PCDHA3: variants seen among roughly 807,000 people sequenced by gnomAD.
PCDHA3 encodes protocadherin alpha 3, also known as protocadherin alpha-3.
A neutral mutation model predicts 62.2 loss-of-function variants in PCDHA3; 41 were observed. That is an observed-to-expected ratio of 0.66 (90% CI 0.51 to 0.86). PCDHA3 has a LOEUF of 0.86. PCDHA3 is among the 40% of genes least tolerant of loss of function. PCDHA3 has a pLI of 0.00. For synonymous variants in PCDHA3, 640 were observed against 555.4 expected, an observed-to-expected ratio of 1.15 and a Z score of -2.14; for missense variants, 1,304 against 1,241.2, an observed-to-expected ratio of 1.05 and a Z score of -0.76.
At chr5:140,809,567 G>A in intron 1 of PCDHA3, 1 of 1,605,950 alleles carries the variant, frequency 6.2e-7, no homozygotes, top group Non-Finnish European at 8.5e-7. Flanking sequence ...GGAATCCTTT[G>A]CAAAGGTTAG....
intron 1 of PCDHA3, among the ~76,000 whole-genome samples, chr5:140,818,941 A>T (rs1470762019): frequency 6.6e-6 from 1 of 152,234 alleles, no homozygotes; most frequent in Non-Finnish European, 1.5e-5. Context: ...TTTGACATGA[A>T]CATTGATATT....
intron 1 of PCDHA3, among the ~76,000 whole-genome samples, chr5:140,872,922 T>C (rs1468048382): frequency 6.6e-6 from 1 of 152,218 alleles, no homozygotes; most frequent in African/African-American, 2.4e-5. Flanking sequence ...ATGCCTTATC[T>C]CTAATGTTTT....
intron 3 of PCDHA3, among the ~76,000 whole-genome samples, chr5:140,985,991 A>G (rs575854221): frequency 2.7e-4 from 41 of 152,022 alleles, no homozygotes; most frequent in African/African-American, 9.2e-4. Context: ...CGCCCACCTC[A>G]GCCTCCCAAA....
At chr5:140,806,990 G>C in intron 1 of PCDHA3, 1 of 663,806 alleles carries the variant, frequency 1.5e-6, no homozygotes, top group Non-Finnish European at 2.5e-6. Context: ...GGAGCCACAT[G>C]ATGTCGCTCT....
intron 1 of PCDHA3, chr5:140,836,100 A>C (rs2150252810): frequency 8.7e-6 from 14 of 1,613,582 alleles, no homozygotes; most frequent in Non-Finnish European, 1.2e-5. Context: ...GGTGGGTGGC[A>C]CTGGTGGCGC....
At chr5:140,827,834 A>T in intron 1 of PCDHA3, 2 of 435,400 alleles carry the variant, frequency 4.6e-6, no homozygotes, top group Non-Finnish European at 4.0e-6. Context: ...AAGTAGAGAA[A>T]AGAAGATACT....
At chr5:140,850,495 T>A (rs2150486434) in intron 1 of PCDHA3, 3 of 1,597,906 alleles carry the variant, frequency 1.9e-6, no homozygotes, top group South Asian at 2.2e-5. Flanking sequence ...ACTGTGCTGG[T>A]GTCGCTGGTG....
intron 1 of PCDHA3, chr5:140,830,847 A>G (rs1474547924): frequency 6.5e-6 from 1 of 153,834 alleles, no homozygotes; most frequent in Non-Finnish European, 1.4e-5. Context: ...TTTTACATAT[A>G]CTCTTTTTTG....
At chr5:140,911,822 C>A (rs2075653935) in intron 1 of PCDHA3, among the ~76,000 whole-genome samples, 1 of 152,104 alleles carries the variant, frequency 6.6e-6, no homozygotes. Context: ...CTCCAGAAAC[C>A]CCAAAACCAA....
chr5:140,823,400 C>G, intron 1 of PCDHA3: 2 of 1,613,078 alleles, frequency 1.2e-6, no homozygotes, highest in African/African-American at 2.7e-5. Context: ...GCGGGCGTGC[C>G]GCCTCTGGGC....
intron 1 of PCDHA3, chr5:140,834,529 C>G: frequency 6.2e-7 from 1 of 1,614,054 alleles, no homozygotes; most frequent in Non-Finnish European, 8.5e-7. Context: ...GGCCGCATCG[C>G]GCAGGACCTG....
At chr5:140,929,331 C>G in intron 1 of PCDHA3, 1 of 1,534,960 alleles carries the variant, frequency 6.5e-7, no homozygotes, top group Non-Finnish European at 8.8e-7. Context: ...CCATGGTAAG[C>G]AAATTTTATG....
chr5:140,838,097 T>G (rs1554136886), intron 1 of PCDHA3, among the ~76,000 whole-genome samples: 1 of 147,214 alleles, frequency 6.8e-6, no homozygotes, highest in African/African-American at 2.6e-5. Context: ...TGTGTGTGTG[T>G]GTGTGTGTGT....
At chr5:140,849,600 A>G (rs2040983382) in intron 1 of PCDHA3, 1 of 1,598,580 alleles carries the variant, frequency 6.3e-7, no homozygotes, top group Non-Finnish European at 8.6e-7. Context: ...GGGGACAGTT[A>G]TTGCCCTGAT....
chr5:140,948,016 C>CTTTTT (rs72028473), intron 1 of PCDHA3, among the ~76,000 whole-genome samples: 13 of 30,044 alleles, frequency 4.3e-4, no homozygotes, highest in Non-Finnish European at 6.9e-4. Context: ...AGGAAGTACC[C>CTTTTT]TTTCTGGTTT....
At chr5:140,884,128 C>A (rs1554181251) in intron 1 of PCDHA3, 1 of 1,613,308 alleles carries the variant, frequency 6.2e-7, no homozygotes, top group Non-Finnish European at 8.5e-7. Flanking sequence ...GCGCGCGCAT[C>A]CCGTTCCGCG....
At chr5:140,844,934 G>T (rs1554140786) in intron 1 of PCDHA3, among the ~76,000 whole-genome samples, 1 of 149,226 alleles carries the variant, frequency 6.7e-6, no homozygotes, top group African/African-American at 2.5e-5. Context: ...GGGAATGAAC[G>T]ATTTCTGGGA....
chr5:140,850,382 C>T (rs2150481725), intron 1 of PCDHA3: 2 of 1,597,874 alleles, frequency 1.3e-6, no homozygotes, highest in East Asian at 2.2e-5. Context: ...TGTACACGGG[C>T]GAGATCAGCA....
chr5:140,928,258 G>A lies in PCDHA3; in HGVS notation c.2395-50691G>A, dbSNP rs782503341. 15 of 1,614,094 alleles carry A rather than the reference G, an allele frequency of 9.3e-6. No individual in the cohort carries two copies. The Admixed American group carries it at 2.0e-4, about 22-fold the overall frequency. On this transcript the variant is annotated intron_variant, in intron 1 of 3. Transcript: ENST00000522353. The stretch of plus-strand genomic sequence containing the variant: ...ACCCCAGCAGGAACTTTTCGTTGCT[G>A]AAAACAATGGCCCTGGGGCCTCTCT...
Sources: gnomAD v4.1 joint callset for allele counts (sites outside exome capture counted in the v4.1 genomes callset) on GRCh38, gnomAD v4.1.1 for gene constraint, MANE v1.5 for transcripts, NCBI Gene and HGNC (gene_info 2026-07-23, HGNC 2026-07-21) for gene names.